Variants in RPS6KC1 observed in about 807,000 individuals in gnomAD.
RPS6KC1 encodes inactive ribosomal protein S6 kinase delta-1.
RPS6KC1 carries 54 observed loss-of-function variants against 103.8 expected under a neutral mutation model. The observed-to-expected ratio is 0.52, with a 90% CI of 0.42 to 0.65. The LOEUF is 0.65. Ranked by LOEUF, RPS6KC1 falls within the 30% of genes least tolerant of loss-of-function variation. RPS6KC1 has a pLI of 0.00. For synonymous variants in RPS6KC1, 439 were observed against 438.7 expected (o/e 1.00, Z -0.01); for missense variants, 1,151 against 1,253.8 (o/e 0.92, Z 1.24).
At chr1:213,677,574 G>C in the RPS6KC1 span, among the ~76,000 whole-genome samples, 1 of 152,204 alleles carries the variant, frequency 6.6e-6, no homozygotes, top group African/African-American at 2.4e-5. Context: ...TGTAAACCCG[G>C]AGTTCAGAAA....
the RPS6KC1 span, chr1:213,819,658 A>G: frequency 6.6e-6 from 1 of 152,220 alleles, no homozygotes; most frequent in East Asian, 1.9e-4. Flanking sequence ...TAAATGACAT[A>G]ATGTATGTAA....
the RPS6KC1 span, among the ~76,000 whole-genome samples, chr1:213,708,107 AT>A: frequency 6.6e-6 from 1 of 152,224 alleles, no homozygotes; most frequent in African/African-American, 2.4e-5. Flanking sequence ...TAGGAATGGC[AT>A]TGAATTTCTA....
chr1:213,580,760 G>A, the RPS6KC1 span, among the ~76,000 whole-genome samples: 1 of 145,760 alleles, frequency 6.9e-6, no homozygotes, highest in Middle Eastern at 3.5e-3. Context: ...ATGATTGTTA[G>A]CATTTTTTTT....
At chr1:213,434,770 A>G in the RPS6KC1 span, among the ~76,000 whole-genome samples, 1 of 145,826 alleles carries the variant, frequency 6.9e-6, no homozygotes, top group South Asian at 2.2e-4. Context: ...TTGTTTCTCT[A>G]TATAACTGAC....
At chr1:213,184,643 T>C (rs1336105037) in intron 8 of RPS6KC1, among the ~76,000 whole-genome samples, 1 of 152,206 alleles carries the variant, frequency 6.6e-6, no homozygotes, top group Non-Finnish European at 1.5e-5. Context: ...TATAAACTTT[T>C]CTCTTAGTGC....
chr1:213,326,469 T>C, the RPS6KC1 span, among the ~76,000 whole-genome samples: 1 of 152,220 alleles, frequency 6.6e-6, no homozygotes, highest in South Asian at 2.1e-4. Flanking sequence ...TCTACCTCTT[T>C]TTTGCTTGAT....
chr1:213,815,070 T>C, the RPS6KC1 span, among the ~76,000 whole-genome samples: 1 of 152,182 alleles, frequency 6.6e-6, no homozygotes, highest in South Asian at 2.1e-4. Context: ...GATTGAATCA[T>C]GGGGGCAGTG....
At chr1:213,746,878 T>A in the RPS6KC1 span, among the ~76,000 whole-genome samples, 1 of 152,220 alleles carries the variant, frequency 6.6e-6, no homozygotes, top group South Asian at 2.1e-4. Context: ...GGAGGAGCTT[T>A]TTAGGGAAGA....
At chr1:213,367,585 T>C in the RPS6KC1 span, among the ~76,000 whole-genome samples, 4 of 152,222 alleles carry the variant, frequency 2.6e-5, no homozygotes, top group African/African-American at 9.6e-5. Flanking sequence ...TACTAGCCTT[T>C]AAAAAGATAA....
At chr1:213,620,956 A>C in the RPS6KC1 span, among the ~76,000 whole-genome samples, 2 of 152,176 alleles carry the variant, frequency 1.3e-5, no homozygotes, top group East Asian at 1.9e-4. Flanking sequence ...TCCACAACAC[A>C]TGTGTTGAAT....
At chr1:213,733,685 A>T in the RPS6KC1 span, among the ~76,000 whole-genome samples, 2 of 150,942 alleles carry the variant, frequency 1.3e-5, no homozygotes, top group African/African-American at 4.9e-5. Flanking sequence ...GTTTTATCTT[A>T]AATTGTAGCC....
chr1:213,643,693 GA>G, the RPS6KC1 span, among the ~76,000 whole-genome samples: 24 of 151,956 alleles, frequency 1.6e-4, no homozygotes, highest in African/African-American at 5.3e-4. Context: ...AGTTAGGAGG[GA>G]AAAGGTCTTT....
At chr1:213,376,497 C>G in the RPS6KC1 span, among the ~76,000 whole-genome samples, 1 of 151,170 alleles carries the variant, frequency 6.6e-6, no homozygotes, top group African/African-American at 2.4e-5. Flanking sequence ...TCATTTCATG[C>G]AAGAATTAGG....
chr1:213,834,955 G>C, the RPS6KC1 span, among the ~76,000 whole-genome samples: 5 of 152,262 alleles, frequency 3.3e-5, no homozygotes, highest in African/African-American at 4.8e-5. Flanking sequence ...TGGGAGGTGG[G>C]GGAGAGGGAA....
the RPS6KC1 span, among the ~76,000 whole-genome samples, chr1:213,290,149 A>AG: frequency 6.6e-6 from 1 of 150,888 alleles, no homozygotes; most frequent in Non-Finnish European, 1.5e-5. Context: ...CGTCTCAAAA[A>AG]AAAAAAAAAA....
intron 6 of RPS6KC1, among the ~76,000 whole-genome samples, chr1:213,150,133 T>A (rs1344981191): frequency 2.0e-5 from 3 of 152,146 alleles, no homozygotes; most frequent in Non-Finnish European, 4.4e-5. Context: ...TTTAGTCCAT[T>A]TGCATTCAAT....
intron 6 of RPS6KC1, among the ~76,000 whole-genome samples, chr1:213,150,659 G>A (rs1024318945): frequency 1.3e-5 from 2 of 151,862 alleles, no homozygotes; most frequent in African/African-American, 4.8e-5. Flanking sequence ...GGATCCCAAG[G>A]CAGAAGAATT....
the RPS6KC1 span, among the ~76,000 whole-genome samples, chr1:213,295,686 T>G: frequency 4.6e-5 from 7 of 152,210 alleles, no homozygotes; most frequent in Admixed American, 2.0e-4. Flanking sequence ...AGGATTAAAG[T>G]TAACACGTCA....
At chr1:213,491,553 C>T in the RPS6KC1 span, among the ~76,000 whole-genome samples, 1 of 152,072 alleles carries the variant, frequency 6.6e-6, no homozygotes, top group Non-Finnish European at 1.5e-5. Flanking sequence ...GCCAAACAAA[C>T]AAACAAACAA....
Sources: allele counts gnomAD v4.1 joint callset (sites outside exome capture counted in the v4.1 genomes callset), GRCh38; gene constraint gnomAD v4.1.1; transcripts MANE v1.5; gene names NCBI Gene and HGNC (gene_info 2026-07-23, HGNC 2026-07-21).